USP20: variants seen among roughly 807,000 people sequenced by gnomAD.
USP20 encodes the protein ubiquitin carboxyl-terminal hydrolase 20.
USP20 carries 80 observed loss-of-function variants against 124.2 expected under a neutral mutation model. The observed-to-expected ratio is 0.64, with a 90% CI of 0.54 to 0.78. The LOEUF is 0.78. USP20 is among the 30% of genes least tolerant of loss of function. The pLI, the probability that USP20 is intolerant of heterozygous loss-of-function variation, is 0.00. For missense variants in USP20, 1,043 were observed against 1,244.4 expected, an observed-to-expected ratio of 0.84 and a Z score of 2.44; for synonymous variants, 481 against 512.3, an observed-to-expected ratio of 0.94 and a Z score of 0.83.
At chr9:129,854,764 C>T (rs563204786) in intron 3 of USP20, among the ~76,000 whole-genome samples, 17 of 152,324 alleles carry the variant, frequency 1.1e-4, no homozygotes, top group African/African-American at 3.8e-4. Flanking sequence ...GATCTCCTGG[C>T]ACCCACAGCA....
At chr9:129,863,696 T>G (rs1250699066) in intron 9 of USP20, among the ~76,000 whole-genome samples, 1 of 152,198 alleles carries the variant, frequency 6.6e-6, no homozygotes, top group Non-Finnish European at 1.5e-5. Flanking sequence ...TGGCACAGTA[T>G]GAAATTAATT....
At position 129,873,689 on chromosome 9, in the gene USP20, T is replaced by A. The variant is rs1353266288; in HGVS notation, c.1695-10T>A. ...CCGGACACTGATGCTGGCTCGTGCT[T>A]CCTCCCCAGGCTGCGGAACGGAGTG... is the stretch of plus-strand genomic sequence containing the variant. On this transcript the variant is annotated splice_polypyrimidine_tract_variant and intron_variant, in intron 16 of 25. Transcript: ENST00000372429. 6.2e-7 allele frequency: 1 copy of A among 1,613,454 alleles called. No homozygotes were observed. The highest frequency in any genetic ancestry group is 1.3e-5 in the African/African-American group (1 of 74,908).
intron 3 of USP20, among the ~76,000 whole-genome samples, chr9:129,854,624 T>C (rs929033160): frequency 1.4e-5 from 2 of 139,630 alleles, no homozygotes; most frequent in Non-Finnish European, 3.1e-5. Context: ...TCGATACTTT[T>C]ATAAATCAAA....
rs2033904459 is a variant in USP20, at chr9:129,868,015, A to T, written c.701A>T (p.Glu234Val). ...AGCCCCTGGTTCTAGGACACCCAAG[A>T]GTTCCTTCGCTGCCTGATGGACCAG... ...FRGYAQQDTQEFLRCLMDQLH... is the reference protein window; with the variant it reads ...FRGYAQQDTQVFLRCLMDQLH... Residue 234 changes from glutamate (E) to valine (V), a missense_variant, in exon 11 of 26, where the codon GAG (glutamate) becomes GTG (valine). Coordinates refer to ENST00000372429, the MANE Select transcript of USP20 (RefSeq NM_001110303.4). 2 of 1,613,142 alleles carry T rather than the reference A, an allele frequency of 1.2e-6. No individual in the cohort carries two copies. Among genetic ancestry groups the T allele is most frequent in the Non-Finnish European group, 1.7e-6 (2 of 1,179,424 alleles).
intron 22 of USP20, among the ~76,000 whole-genome samples, chr9:129,877,565 G>T (rs991211763): frequency 2.6e-5 from 4 of 151,992 alleles, no homozygotes; most frequent in Admixed American, 1.3e-4. Context: ...GGGCCTAGTG[G>T]TATGCACCTG....
At chr9:129,877,552 GC>G (rs1209218723) in intron 22 of USP20, among the ~76,000 whole-genome samples, 1 of 151,864 alleles carries the variant, frequency 6.6e-6, no homozygotes, top group Admixed American at 6.6e-5. Flanking sequence ...GACTGTCAGG[GC>G]TGGGCCTAGT....
intron 6 of USP20, 137 bp from the exon 7 acceptor site, chr9:129,860,800 T>C: frequency 3.7e-6 from 3 of 820,636 alleles, no homozygotes; most frequent in Non-Finnish European, 6.1e-6. Flanking sequence ...CACAGTACCT[T>C]CTGCTCAGCT....
At chr9:129,845,495 G>A (rs568734189) in intron 1 of USP20, among the ~76,000 whole-genome samples, 2 of 152,304 alleles carry the variant, frequency 1.3e-5, no homozygotes, top group South Asian at 4.1e-4. Flanking sequence ...TAGTGAGAGA[G>A]GGGACTTCTG....
At chr9:129,850,294 TA>T (rs1177699422) in intron 2 of USP20, among the ~76,000 whole-genome samples, 1 of 152,148 alleles carries the variant, frequency 6.6e-6, no homozygotes, top group Admixed American at 6.5e-5. Context: ...TTCTATAAGT[TA>T]GAAAGCAACT....
At chr9:129,841,635 G>C (rs1034022) in intron 1 of USP20, among the ~76,000 whole-genome samples, 23,157 of 152,212 alleles carry the variant, frequency 0.15, 2,180 homozygotes, top group African/African-American at 0.25. Context: ...TGGAGAAAGG[G>C]AACCTTCACG....
rs2131083649 is a variant in USP20, at chr9:129,868,429, C to T, written c.1115C>T (p.Ser372Phe). The change falls in exon 11 of 26, where the codon TCC (serine) becomes TTC (phenylalanine). Residue 372 changes from serine (S) to phenylalanine (F), a missense_variant. Coordinates refer to ENST00000372429, the MANE Select transcript of USP20 (RefSeq NM_001110303.4). ...AEAQPPSPRS[S>F]SPCRTPEPDN... ...GCCCAGCCCCCGTCACCACGGTCCT[C>T]CAGCCCCTGCCGGACGCCAGGTATC... 2 of 1,610,724 alleles carry T rather than the reference C, an allele frequency of 1.2e-6. No individual in the cohort carries two copies. Among genetic ancestry groups the T allele is most frequent in the East Asian group, 2.2e-5 (1 of 44,798 alleles).
At chr9:129,878,255 C>G in intron 22 of USP20, 83 bp from the exon 23 acceptor site, 1 of 1,097,710 alleles carries the variant, frequency 9.1e-7, no homozygotes, top group Non-Finnish European at 1.4e-6. Context: ...GGGACTGGGG[C>G]GGGGGCATTT....
At chr9:129,846,437 T>A (rs1320245158) in intron 1 of USP20, among the ~76,000 whole-genome samples, 1 of 150,386 alleles carries the variant, frequency 6.6e-6, no homozygotes, top group African/African-American at 2.4e-5. Context: ...TTTAAATTTT[T>A]TGTAGAGATG....
rs543850882 is a variant in USP20, at chr9:129,839,135, G to T, written c.-129+3636G>T. 5.3e-5 allele frequency among the ~76,000 whole-genome samples: 8 copies of T among 152,306 alleles called. No homozygotes were observed. The highest frequency in any genetic ancestry group is 8.8e-5 in the Non-Finnish European group (6 of 68,026). On this transcript the variant is annotated intron_variant, in intron 1 of 25. Transcript: ENST00000372429. The surrounding 1 kb of genome is among the most constrained non-coding windows in gnomAD (Gnocchi z 4.5). ...GTTCAGAGCATGGGCTTCAGGGCAG[G>T]TAGTCGTGGGTTCGAATTTTGGTTC...
chr9:129,875,472 C>G lies in USP20; in HGVS notation c.2211C>G (p.Ser737=), dbSNP rs781423467. Residue 737 remains serine (S), a synonymous_variant, in exon 20 of 26, where the codon TCC becomes TCG. Transcript: ENST00000372429. ...TCACCAACCAGACCTTCCTCTGCTC[C>G]CACGGAGGTGAGGCGCCCCCTGTGG... ...GPITNQTFLC[S]HGGIPPHKYH... is the part of the protein sequence containing the mutation. 6.2e-6 allele frequency: 10 copies of G among 1,613,014 alleles called. No individual in the cohort carries two copies. Among genetic ancestry groups the G allele is most frequent in the Non-Finnish European group, 7.6e-6 (9 of 1,179,474 alleles).
At chr9:129,840,980 A>G (rs2032174657) in intron 1 of USP20, among the ~76,000 whole-genome samples, 1 of 152,102 alleles carries the variant, frequency 6.6e-6, no homozygotes, top group Non-Finnish European at 1.5e-5. Flanking sequence ...CACGTTGGCC[A>G]GGTTTGTCTC....
At chr9:129,872,890 T>G (rs1013552594) in intron 15 of USP20, among the ~76,000 whole-genome samples, 7 of 151,946 alleles carry the variant, frequency 4.6e-5, no homozygotes, top group Admixed American at 1.3e-4. Flanking sequence ...AATGTTGCAC[T>G]TCCCACCCCA....
chr9:129,868,716 T>C, intron 11 of USP20, 146 bp from the exon 12 acceptor site: 1 of 1,392,128 alleles, frequency 7.2e-7, no homozygotes, highest in South Asian at 1.5e-5. Flanking sequence ...GCCTGTGTGC[T>C]GGGGCCAGGA....
At chr9:129,875,521 GGCCGA>G (rs755404871) in intron 20 of USP20, 34 bp from the exon 21 acceptor site, 11 of 1,613,334 alleles carry the variant, frequency 6.8e-6, no homozygotes, top group Non-Finnish European at 7.6e-6. Context: ...TGGGCAGCTG[GGCCGA>G]GCCACAGCTT....
Sources: gnomAD v4.1 joint callset for allele counts (sites outside exome capture counted in the v4.1 genomes callset) on GRCh38, gnomAD v4.1.1 for gene constraint, Gnocchi (gnomAD v3.1) non-coding constraint, MANE v1.5 for transcripts, NCBI Gene and HGNC (gene_info 2026-07-23, HGNC 2026-07-21) for gene names.